The following FBN3 variants were observed in gnomAD, a reference collection of about 807,000 sequenced individuals.
The protein encoded by FBN3 is fibrillin-3.
FBN3 carries 234 observed loss-of-function variants against 330.1 expected under a neutral mutation model. That is an observed-to-expected ratio of 0.71 (90% CI 0.64 to 0.79). The LOEUF is 0.79. FBN3 is among the 30% of genes least tolerant of loss of function. The pLI is 0.00. For missense variants in FBN3, 3,606 were observed against 3,886.9 expected (o/e 0.93, Z 1.92); for synonymous variants, 1,458 against 1,517.3 (o/e 0.96, Z 0.91).
intron 25 of FBN3, among the ~76,000 whole-genome samples, chr19:8,120,416 C>T (rs2082817641): frequency 1.3e-5 from 2 of 150,902 alleles, no homozygotes; most frequent in African/African-American, 2.4e-5. Flanking sequence ...GCAATCTGCC[C>T]ACCTCAGCCT....
chr19:8,112,605 G>A (rs746117664), intron 30 of FBN3, among the ~76,000 whole-genome samples: 1 of 152,164 alleles, frequency 6.6e-6, no homozygotes, highest in Non-Finnish European at 1.5e-5. Context: ...AGCAGAGGTT[G>A]TGCCACTGCA....
At chr19:8,083,678 TACACTAGCC>T (rs2081862015) in intron 56 of FBN3, among the ~76,000 whole-genome samples, 1 of 151,380 alleles carries the variant, frequency 6.6e-6, no homozygotes, top group African/African-American at 2.4e-5. Context: ...TGCAACATGA[TACACTAGCC>T]ACACACCTAG....
rs559846465 is a variant in FBN3, at chr19:8,129,379, A to G, written c.2045-14T>C. On this transcript the variant is annotated splice_polypyrimidine_tract_variant and intron_variant, in intron 16 of 63. Transcript: ENST00000600128. This position sits in a 1 kb window ranked among gnomAD's most constrained non-coding sequence, Gnocchi z 4.5. ...ACTCGTTGATGTCTGCGGCAGGAGG[A>G]GGGTGTGTCAGCAGCAGCAGAAGGA... 53 of 1,613,128 alleles carry G rather than the reference A, an allele frequency of 3.3e-5. No homozygotes were observed. In the Middle Eastern group the frequency reaches 5.0e-4, roughly 15 times the overall value.
chr19:8,094,388 G>GCAAGTGCCGGGTAGGC, intron 47 of FBN3, 58 bp downstream of exon 47: 1 of 1,555,960 alleles, frequency 6.4e-7, no homozygotes, highest in African/African-American at 1.4e-5. Context: ...CCATTTTATG[G>GCAAGTGCCGGGTAGGC]ATGGAGAAAG....
Position 8,073,063 on chromosome 19 carries a change from C to A in FBN3, c.7937G>T (p.Gly2646Val). Residue 2646 changes from glycine to valine, a missense_variant and splice_region_variant, in exon 62 of 64, where the codon GGG becomes GTG. Physicochemically the swap from Gly to Val is moderately radical, Grantham distance 109. Transcript: ENST00000600128. ...CPQGYFRAGQ[G>V]HCVSGLGFSP... ...TGCTTGCCCCACTCCAGCCTCTCAC[C>A]CTTGCCCAGCCCGGAAGTAGCCTTG... is the stretch of plus-strand genomic sequence containing the variant. 1 of 1,602,088 alleles carries A rather than the reference C, an allele frequency of 6.2e-7. No homozygotes were observed. Among genetic ancestry groups the A allele is most frequent in the Non-Finnish European group, 8.5e-7 (1 of 1,173,098 alleles).
intron 47 of FBN3, among the ~76,000 whole-genome samples, chr19:8,094,154 T>C (rs968291999): frequency 6.6e-6 from 1 of 152,152 alleles, no homozygotes. Context: ...GTCCTTGATC[T>C]CCAGTTAGCA....
At chr19:8,135,935 T>TTGGGGGGGGGGGGGGGGGGGGGGGCGC in intron 13 of FBN3, 26 bp downstream of exon 13, 4 of 1,344,156 alleles carry the variant, frequency 3.0e-6, no homozygotes, top group East Asian at 2.7e-5. Flanking sequence ...CGGAAGCCCC[T>TTGGGGGGGGGGGGGGGGGGGGGGGCGC]GCCCACCCGC....
rs1267536102 is a variant in FBN3 at position 8,096,998 on chromosome 19, C to G, written c.5296G>C (p.Glu1766Gln). 1 of 1,612,970 alleles carries G rather than the reference C, an allele frequency of 6.2e-7. No individual in the cohort carries two copies. The highest frequency in any genetic ancestry group is 2.2e-5 in the East Asian group (1 of 44,886). ...CAGGGACTCTCCCTGCTGCCACACT[C>G]ATCGACATCTGGGAAAATACAGCAA... ...SILLACEDVD[E>Q]CGSRESPCQQ... Residue 1766 changes from glutamate to glutamine, a missense_variant, in exon 43 of 64, where the codon GAG (glutamate) becomes CAG (glutamine). By Grantham distance (29) the Glu-to-Gln change is conservative. Transcript: ENST00000600128. The surrounding 1 kb of genome is among the most constrained non-coding windows in gnomAD (Gnocchi z 4.6).
chr19:8,148,967 G>GA (rs935175246), intron 1 of FBN3: 10 of 152,904 alleles, frequency 6.5e-5, no homozygotes, highest in African/African-American at 2.2e-4. Flanking sequence ...TAGGTGGGGG[G>GA]AGTCTCTGGC....
Position 8,129,109 on chromosome 19 carries a change from A to C in FBN3, c.2215T>G (p.Trp739Gly), listed in dbSNP as rs752032910. The C allele has an allele frequency of 6.2e-7, 1 of 1,611,500 alleles. No individual in the cohort carries two copies. Among genetic ancestry groups the C allele is most frequent in the South Asian group, 1.1e-5 (1 of 90,922 alleles). ...ALNSLLCDNG[W>G]CQNSPGSYSC... ...TAGCTGCCAGGGCTATTCTGGCACC[A>C]CCCGTTGTCACACAGGAGGCTGTTG... is the stretch of plus-strand genomic sequence containing the variant. Residue 739 changes from tryptophan to glycine, a missense_variant, in exon 18 of 64, where the codon TGG (tryptophan) becomes GGG (glycine). Trp to Gly is a radical substitution (Grantham distance 184). Transcript: ENST00000600128. The surrounding 1 kb of genome is among the most constrained non-coding windows in gnomAD (Gnocchi z 4.5).
intron 25 of FBN3, among the ~76,000 whole-genome samples, chr19:8,119,898 G>A (rs2082800703): frequency 7.5e-6 from 1 of 134,140 alleles, no homozygotes; most frequent in African/African-American, 2.8e-5. Context: ...ACAGCTCCCT[G>A]CAGCCTCCAC....
chr19:8,095,949 C>T lies in FBN3; in HGVS notation c.5656+15G>A. ...AACCCACTTTGTGGCCAGCCTGCCA[C>T]CTGAGCCGACTCACCCACACAATCC... On this transcript the variant is annotated intron_variant, in intron 45 of 63. Transcript: ENST00000600128. The T allele has an allele frequency of 6.4e-7, 1 of 1,571,064 alleles. No individual in the cohort carries two copies. The highest frequency in any genetic ancestry group is 8.8e-7 in the Non-Finnish European group (1 of 1,141,356).
intron 16 of FBN3, among the ~76,000 whole-genome samples, chr19:8,130,047 G>A (rs923160976): frequency 6.6e-6 from 1 of 151,974 alleles, no homozygotes; most frequent in Non-Finnish European, 1.5e-5. Flanking sequence ...ACAGCCGCCT[G>A]CCACCACGGC....
At chr19:8,066,787 G>A (rs190918100) in intron 63 of FBN3, among the ~76,000 whole-genome samples, 45 of 152,344 alleles carry the variant, frequency 3.0e-4, no homozygotes, top group African/African-American at 1.0e-3. Flanking sequence ...GCTGAGGCAG[G>A]AGAATCGCTT....
intron 22 of FBN3, among the ~76,000 whole-genome samples, chr19:8,124,848 T>C (rs1163496071): frequency 1.3e-5 from 2 of 152,200 alleles, no homozygotes; most frequent in African/African-American, 4.8e-5. Context: ...TAAGGATTTT[T>C]AGGGCAGAGA....
At position 8,108,157 on chromosome 19, in the gene FBN3, G is replaced by A; in HGVS notation, c.4687+13C>T. 6.2e-7 allele frequency: 1 copy of A among 1,609,630 alleles called. No individual in the cohort carries two copies. Among genetic ancestry groups the A allele is most frequent in the Non-Finnish European group, 8.5e-7 (1 of 1,177,792 alleles). On this transcript the variant is annotated intron_variant, in intron 37 of 63. Coordinates refer to ENST00000600128, the MANE Select transcript of FBN3 (RefSeq NM_032447.5). ...AGGCAGACAGATGGATGGATGATCT[G>A]CCAGGAACTCACCTTCCAGAATGAC... is the stretch of plus-strand genomic sequence containing the variant.
intron 6 of FBN3, among the ~76,000 whole-genome samples, chr19:8,143,316 G>A (rs549411032): frequency 3.3e-5 from 5 of 151,982 alleles, no homozygotes; most frequent in Admixed American, 1.3e-4. Context: ...CAAGTCCCTC[G>A]GCCAACACTG....
rs1006181063 is a variant in FBN3 at position 8,095,403 on chromosome 19, C to A, written c.5757G>T (p.Glu1919Asp). 6.2e-7 allele frequency: 1 copy of A among 1,613,282 alleles called. No individual in the cohort carries two copies. Among genetic ancestry groups the A allele is most frequent in the Non-Finnish European group, 8.5e-7 (1 of 1,179,500 alleles). Residue 1919 changes from glutamate (E) to aspartate (D), a missense_variant, in exon 46 of 64, where the codon GAG (glutamate) becomes GAT (aspartate). Transcript: ENST00000600128. ...SFHCLCQDGF[E>D]LTADGKNCVD... Reference sequence around the variant, plus strand: ...CACAGTTCTTCCCATCAGCTGTGAGCTCAAAGCCATCCTGGCAGAGGCAGT... The same window carrying A: ...CACAGTTCTTCCCATCAGCTGTGAGATCAAAGCCATCCTGGCAGAGGCAGT...
At chr19:8,090,460 T>C (rs1013262410) in intron 48 of FBN3, among the ~76,000 whole-genome samples, 1 of 145,516 alleles carries the variant, frequency 6.9e-6, no homozygotes, top group Non-Finnish European at 1.5e-5. Flanking sequence ...CCTGGGTTTT[T>C]AGTTGTTGTT....
Sources: allele counts gnomAD v4.1 joint callset (sites outside exome capture counted in the v4.1 genomes callset), GRCh38; gene constraint gnomAD v4.1.1; non-coding constraint Gnocchi (gnomAD v3.1); transcripts MANE v1.5; gene names NCBI Gene and HGNC (gene_info 2026-07-23, HGNC 2026-07-21).